The following NELL1 variants were observed in gnomAD, a reference collection of about 807,000 sequenced individuals.
The protein encoded by NELL1 is protein kinase C-binding protein NELL1.
Under a neutral mutation model 107.4 loss-of-function variants are expected in NELL1, and 76 were observed. The observed-to-expected ratio is 0.71, with a 90% CI of 0.59 to 0.86. The LOEUF (loss-of-function observed/expected upper bound fraction) is 0.86, where lower values mean the gene tolerates loss of function less well. Among genes scored for constraint, NELL1 ranks in the 40% least tolerant of loss-of-function variants. The pLI is 0.00. For missense variants in NELL1, 1,024 were observed against 1,005.5 expected (o/e 1.02, Z -0.25); for synonymous variants, 353 against 341.2 (o/e 1.03, Z -0.38).
intron 15 of NELL1, among the ~76,000 whole-genome samples, chr11:21,397,143 G>C (rs117380556): frequency 1.3e-5 from 2 of 151,342 alleles, no homozygotes; most frequent in Non-Finnish European, 3.0e-5. Context: ...TTCTTTCCAG[G>C]GCTGTAGCAT....
intron 15 of NELL1, among the ~76,000 whole-genome samples, chr11:21,517,590 T>C (rs1855598952): frequency 6.6e-6 from 1 of 152,200 alleles, no homozygotes; most frequent in South Asian, 2.1e-4. Flanking sequence ...GTCAATCCTC[T>C]GTGCCTCTAT....
chr11:21,109,237 T>A (rs982089959), intron 12 of NELL1, among the ~76,000 whole-genome samples: 1 of 152,118 alleles, frequency 6.6e-6, no homozygotes, highest in Non-Finnish European at 1.5e-5. Flanking sequence ...TTTGGGTATT[T>A]ACCAATTGCC....
At chr11:21,212,652 G>A (rs1161585015) in intron 13 of NELL1, among the ~76,000 whole-genome samples, 1 of 152,140 alleles carries the variant, frequency 6.6e-6, no homozygotes, top group Non-Finnish European at 1.5e-5. Context: ...GGGCTATTTG[G>A]CCCTCACTTT....
chr11:20,844,638 A>C (rs1393674376), intron 3 of NELL1, among the ~76,000 whole-genome samples: 1 of 152,040 alleles, frequency 6.6e-6, no homozygotes, highest in East Asian at 1.9e-4. Flanking sequence ...GCTCCTATTC[A>C]CTTGCTCGTA....
At chr11:20,740,317 C>CTGGA (rs1855862205) in intron 2 of NELL1, among the ~76,000 whole-genome samples, 2 of 152,168 alleles carry the variant, frequency 1.3e-5, no homozygotes, top group Non-Finnish European at 2.9e-5. Context: ...GAAGGTCTTC[C>CTGGA]TGGATGAAGA....
intron 15 of NELL1, among the ~76,000 whole-genome samples, chr11:21,531,334 T>A (rs1031044530): frequency 6.6e-6 from 1 of 152,210 alleles, no homozygotes; most frequent in African/African-American, 2.4e-5. Flanking sequence ...AAATGTATTA[T>A]CTTTCTGTAA....
intron 12 of NELL1, among the ~76,000 whole-genome samples, chr11:21,018,462 A>C (rs1852620610): frequency 6.6e-6 from 1 of 152,020 alleles, no homozygotes; most frequent in South Asian, 2.1e-4. Flanking sequence ...AGTGACTGGG[A>C]ACAAACTTAC....
At chr11:21,437,915 A>C (rs1853168656) in intron 15 of NELL1, among the ~76,000 whole-genome samples, 1 of 152,130 alleles carries the variant, frequency 6.6e-6, no homozygotes, top group Non-Finnish European at 1.5e-5. Flanking sequence ...GATAGGTGAA[A>C]AGTTACTTCT....
Position 21,565,557 on chromosome 11 carries a change from G to T in NELL1, c.1980+5175G>T, listed in dbSNP as rs529917115. On this transcript the variant is annotated intron_variant, in intron 17 of 19. Coordinates refer to ENST00000357134, the MANE Select transcript of NELL1 (RefSeq NM_006157.5). ...TCAGTAGTTCCCAGGAGATGGTAAT[G>T]CTGCTGGTTTGAGGACTGCCACTTT... Among the ~76,000 whole-genome samples, 44 of 152,006 alleles carry T rather than the reference G, an allele frequency of 2.9e-4. No homozygotes were observed. In the South Asian group the frequency reaches 6.8e-3, roughly 24 times the overall value.
At chr11:21,378,861 A>T (rs1041930984) in intron 15 of NELL1, among the ~76,000 whole-genome samples, 1 of 151,326 alleles carries the variant, frequency 6.6e-6, no homozygotes, top group Non-Finnish European at 1.5e-5. Flanking sequence ...GGGATTACAG[A>T]TGTTCTCCAC....
At chr11:20,795,114 A>T (rs1359071561) in intron 3 of NELL1, among the ~76,000 whole-genome samples, 1 of 152,212 alleles carries the variant, frequency 6.6e-6, no homozygotes, top group Non-Finnish European at 1.5e-5. Context: ...AAAGGCAGAC[A>T]TCTCTCTCAC....
chr11:21,098,059 A>C (rs1197962388), intron 12 of NELL1, among the ~76,000 whole-genome samples: 1 of 151,318 alleles, frequency 6.6e-6, no homozygotes, highest in African/African-American at 2.4e-5. Flanking sequence ...TGAAGTTTAC[A>C]CTCTAAAGAC....
intron 14 of NELL1, among the ~76,000 whole-genome samples, chr11:21,364,769 TA>T (rs1851177347): frequency 6.6e-6 from 1 of 152,140 alleles, no homozygotes; most frequent in South Asian, 2.1e-4. Flanking sequence ...ATGTAGGTGG[TA>T]AATGATTGTG....
chr11:20,876,986 C>T (rs1360556304), intron 4 of NELL1, among the ~76,000 whole-genome samples: 2 of 152,154 alleles, frequency 1.3e-5, no homozygotes, highest in African/African-American at 2.4e-5. Context: ...ACAATTCTCA[C>T]ATTTTTCTTA....
chr11:21,063,401 A>G, intron 12 of NELL1, among the ~76,000 whole-genome samples: 1 of 152,188 alleles, frequency 6.6e-6, no homozygotes, highest in Middle Eastern at 3.2e-3. Context: ...GTTGAACTCA[A>G]TCTCTAGTCC....
intron 14 of NELL1, among the ~76,000 whole-genome samples, chr11:21,331,188 AT>A (rs1305435099): frequency 6.6e-6 from 1 of 151,718 alleles, no homozygotes; most frequent in Non-Finnish European, 1.5e-5. Context: ...AGTCTTTGTC[AT>A]GTTCATATCT....
At chr11:20,926,340 A>G (rs116424786) in intron 7 of NELL1, among the ~76,000 whole-genome samples, 1 of 152,278 alleles carries the variant, frequency 6.6e-6, no homozygotes, top group Non-Finnish European at 1.5e-5. Context: ...AGGAGCTGTT[A>G]AGGGAACCTG....
chr11:20,801,259 C>T (rs1392520290), intron 3 of NELL1, among the ~76,000 whole-genome samples: 1 of 152,188 alleles, frequency 6.6e-6, no homozygotes, highest in African/African-American at 2.4e-5. Context: ...CGTTAGACTT[C>T]TAGCCTACTT....
chr11:21,362,258 T>C (rs7116804), intron 14 of NELL1, among the ~76,000 whole-genome samples: 10,774 of 152,240 alleles, frequency 0.071, 405 homozygotes, highest in South Asian at 0.09. Flanking sequence ...GTAATTGTTA[T>C]GGCTCTTTTG....
Sources: gnomAD v4.1 joint callset for allele counts (sites outside exome capture counted in the v4.1 genomes callset) on GRCh38, gnomAD v4.1.1 for gene constraint, MANE v1.5 for transcripts, NCBI Gene and HGNC (gene_info 2026-07-23, HGNC 2026-07-21) for gene names.